The following FMNL2 variants were observed in gnomAD, a reference collection of about 807,000 sequenced individuals.
FMNL2 encodes the protein formin-like protein 2.
A neutral mutation model predicts 130.2 loss-of-function variants in FMNL2; 51 were observed. The observed-to-expected ratio is 0.39, with a 90% CI of 0.31 to 0.49. The LOEUF is 0.49. FMNL2 is among the 20% of genes least tolerant of loss of function. FMNL2 has a pLI of 0.85. For missense variants in FMNL2, 977 were observed against 1,316.2 expected, an observed-to-expected ratio of 0.74 and a Z score of 3.99; for synonymous variants, 465 against 467.1, an observed-to-expected ratio of 1.00 and a Z score of 0.06.
intron 1 of FMNL2, among the ~76,000 whole-genome samples, chr2:152,430,285 A>G (rs563970202): frequency 9.2e-5 from 14 of 152,326 alleles, no homozygotes; most frequent in Middle Eastern, 3.4e-3. Flanking sequence ...CGACCAGGCT[A>G]TCCTTTGTCT....
chr2:152,556,743 C>T (rs866916221), intron 4 of FMNL2, among the ~76,000 whole-genome samples: 2 of 152,118 alleles, frequency 1.3e-5, no homozygotes, highest in African/African-American at 4.8e-5. Context: ...TCTGAATGGT[C>T]TGCACTCTAC....
At chr2:152,588,208 T>G (rs537818945) in intron 9 of FMNL2, among the ~76,000 whole-genome samples, 54 of 152,344 alleles carry the variant, frequency 3.5e-4, no homozygotes, top group South Asian at 8.3e-4. Flanking sequence ...AGGAGAGATT[T>G]CATTTCCTTG....
At chr2:152,437,239 A>C (rs1468139276) in intron 1 of FMNL2, among the ~76,000 whole-genome samples, 1 of 152,196 alleles carries the variant, frequency 6.6e-6, no homozygotes, top group African/African-American at 2.4e-5. Context: ...GGGAAGAGGG[A>C]CAAAAACATT....
At chr2:152,458,104 G>T (rs138247323) in intron 1 of FMNL2, among the ~76,000 whole-genome samples, 1 of 152,290 alleles carries the variant, frequency 6.6e-6, no homozygotes, top group Admixed American at 6.5e-5. Flanking sequence ...TCTGGGGATT[G>T]GGATGGGTAT....
intron 1 of FMNL2, among the ~76,000 whole-genome samples, chr2:152,475,650 A>C (rs1413281879): frequency 1.3e-5 from 2 of 151,922 alleles, no homozygotes; most frequent in African/African-American, 4.8e-5. Flanking sequence ...GCACACCACC[A>C]CACTGGCTAC....
At chr2:152,607,196 C>A in intron 9 of FMNL2, 143 bp from the exon 10 acceptor site, 1 of 651,140 alleles carries the variant, frequency 1.5e-6, no homozygotes, top group Admixed American at 2.8e-5. Flanking sequence ...TGTGAGTTAA[C>A]TAGCTTAGAA....
chr2:152,506,280 C>G (rs1692165507), intron 1 of FMNL2, among the ~76,000 whole-genome samples: 1 of 152,126 alleles, frequency 6.6e-6, no homozygotes, highest in African/African-American at 2.4e-5. Context: ...AGAATATGGT[C>G]TTTCCTTGGT....
intron 1 of FMNL2, among the ~76,000 whole-genome samples, chr2:152,430,539 C>G (rs1212145943): frequency 6.6e-6 from 1 of 152,206 alleles, no homozygotes; most frequent in Non-Finnish European, 1.5e-5. Flanking sequence ...TATATACCTA[C>G]TTTCACTTCC....
chr2:152,476,541 C>T (rs919489101), intron 1 of FMNL2, among the ~76,000 whole-genome samples: 5 of 151,988 alleles, frequency 3.3e-5, no homozygotes, highest in Admixed American at 6.6e-5. Flanking sequence ...GGCATGGTGA[C>T]GCTTGCCTGT....
intron 6 of FMNL2, among the ~76,000 whole-genome samples, chr2:152,571,162 C>G (rs1214238927): frequency 1.3e-5 from 2 of 149,234 alleles, no homozygotes; most frequent in Non-Finnish European, 3.0e-5. Context: ...CAAAGCACCT[C>G]TGCCTCCTCC....
At chr2:152,338,818 G>GACACACACACACACACACACACACACAC (rs767062578) in intron 1 of FMNL2, among the ~76,000 whole-genome samples, 30 of 60,396 alleles carry the variant, frequency 5.0e-4, no homozygotes, top group Non-Finnish European at 1.2e-3. Flanking sequence ...TGGAAGGTGA[G>GACACACACACACACACACACACACACAC]ATACACACAC....
At chr2:152,394,995 T>C (rs1298080006) in intron 1 of FMNL2, among the ~76,000 whole-genome samples, 1 of 152,230 alleles carries the variant, frequency 6.6e-6, no homozygotes, top group East Asian at 1.9e-4. Context: ...ATAGATAGCA[T>C]GCTTTTATTT....
chr2:152,496,796 G>A (rs1691540262), intron 1 of FMNL2, among the ~76,000 whole-genome samples: 2 of 152,030 alleles, frequency 1.3e-5, no homozygotes, highest in Admixed American at 1.3e-4. Flanking sequence ...TTCCAGATTT[G>A]GCTATTGTGA....
intron 8 of FMNL2, among the ~76,000 whole-genome samples, chr2:152,579,762 CCA>C (rs1696678206): frequency 2.0e-5 from 3 of 152,190 alleles, no homozygotes; most frequent in Admixed American, 2.0e-4. Context: ...TTCATATTCA[CCA>C]CCTTGTAAAG....
rs201093510 is a variant in FMNL2 at position 152,617,845 on chromosome 2, T to TAC, written c.1314+656_1314+657dup. Among the ~76,000 whole-genome samples the TAC allele has an allele frequency of 7.6e-3, 1,158 of 152,358 alleles. 13 individuals carry two copies. Among genetic ancestry groups the TAC allele is most frequent in the African/African-American group, 0.027 (1,104 of 41,576 alleles). Reference sequence around the variant, plus strand: ...AGCTTTAAGGCAAATGGCTTGCCTTTACACCACTGCTAATGAAATTGCACC... The same window carrying TAC: ...AGCTTTAAGGCAAATGGCTTGCCTTTACACACCACTGCTAATGAAATTGCACC... On this transcript the variant is annotated intron_variant, in intron 13 of 25. Transcript: ENST00000288670.
At chr2:152,551,635 T>A (rs1279792868) in intron 4 of FMNL2, among the ~76,000 whole-genome samples, 2 of 152,198 alleles carry the variant, frequency 1.3e-5, no homozygotes, top group Non-Finnish European at 2.9e-5. Context: ...ATGAAAATAA[T>A]CAGTTACTAA....
chr2:152,648,866 T>G lies in FMNL2; in HGVS notation c.*961T>G, dbSNP rs918807070. On this transcript the variant is annotated 3_prime_UTR_variant, in exon 26 of 26. Coordinates refer to ENST00000288670, the MANE Select transcript of FMNL2 (RefSeq NM_052905.4). Reference sequence around the variant, plus strand: ...TCGTGTATCGAGGCTAAGTTTTTCATGCATTTCCCAGACTACTTATGGAGA... The same window carrying G: ...TCGTGTATCGAGGCTAAGTTTTTCAGGCATTTCCCAGACTACTTATGGAGA... The G allele has an allele frequency of 6.6e-6, 1 of 152,624 alleles. No homozygotes were observed. Among genetic ancestry groups the G allele is most frequent in the African/African-American group, 2.4e-5 (1 of 41,462 alleles). The allele number at this position is 152,624 out of a possible 1,614,324, so 9.5% of individuals were successfully genotyped here. A position where few individuals can be genotyped will look rare whatever the true frequency, so the allele number is the denominator to read the frequency against.
intron 1 of FMNL2, among the ~76,000 whole-genome samples, chr2:152,381,873 T>A (rs1384551140): frequency 6.6e-6 from 1 of 151,390 alleles, no homozygotes; most frequent in Non-Finnish European, 1.5e-5. Context: ...AGTAGCACAA[T>A]CACGGCTCAC....
chr2:152,624,517 G>A (rs899108713), intron 15 of FMNL2, among the ~76,000 whole-genome samples: 3 of 150,992 alleles, frequency 2.0e-5, no homozygotes, highest in African/African-American at 4.9e-5. Context: ...TGGTCTGTAT[G>A]TACCCCTTTT....
Sources: gnomAD v4.1 joint callset for allele counts (sites outside exome capture counted in the v4.1 genomes callset) on GRCh38, gnomAD v4.1.1 for gene constraint, MANE v1.5 for transcripts, NCBI Gene and HGNC (gene_info 2026-07-23, HGNC 2026-07-21) for gene names.